Variants in C17orf99 observed in about 807,000 individuals in gnomAD.
The protein encoded by C17orf99 is protein IL-40.
C17orf99 carries 18 observed loss-of-function variants against 22.6 expected under a neutral mutation model. The ratio of observed to expected loss-of-function variants is 0.80; its 90% confidence interval spans 0.55 to 1.18. C17orf99 has a LOEUF of 1.18. Among genes scored for constraint, C17orf99 ranks in the 50% most tolerant of loss-of-function variants. The pLI, the probability that C17orf99 is intolerant of heterozygous loss-of-function variation, is 0.00. For missense variants in C17orf99, 328 were observed against 342.7 expected, an observed-to-expected ratio of 0.96 and a Z score of 0.34; for synonymous variants, 147 against 136.6, an observed-to-expected ratio of 1.08 and a Z score of -0.53.
At chr17:78,159,266 G>C (rs2075553519) in intron 2 of C17orf99, 1 of 152,332 alleles carries the variant, frequency 6.6e-6, no homozygotes, top group African/African-American at 2.4e-5. Flanking sequence ...GAACCCAGGA[G>C]GTGGAGGTTG....
chr17:78,161,022 C>G lies in C17orf99; in HGVS notation c.138C>G (p.Leu46=), dbSNP rs773346375. ...TTTTCCCCAAAGGCCGCTGGGTGCT[C>G]ATAACCTGCTGTGCACCCCAGCCAC... The part of the protein sequence containing the change: ...LEVFPKGRWV[L]ITCCAPQPPP... Residue 46 remains leucine, a synonymous_variant, in exon 3 of 5, where the codon CTC becomes CTG. Coordinates refer to ENST00000340363, the MANE Select transcript of C17orf99 (RefSeq NM_001163075.2). 6.4e-7 allele frequency: 1 copy of G among 1,551,480 alleles called. No individual in the cohort carries two copies. Among genetic ancestry groups the G allele is most frequent in the African/African-American group, 1.4e-5 (1 of 73,036 alleles).
At chr17:78,157,341 G>A (rs1316738845) in intron 2 of C17orf99, 17 of 744,450 alleles carry the variant, frequency 2.3e-5, no homozygotes, top group South Asian at 3.1e-5. Flanking sequence ...CGGCGGCGGC[G>A]GCGGCGGTGG....
At chr17:78,165,818 T>C (rs1298725181) in intron 4 of C17orf99, 71 bp from the exon 5 acceptor site, 3 of 1,278,888 alleles carry the variant, frequency 2.3e-6, no homozygotes, top group South Asian at 6.0e-5. Flanking sequence ...AAACGAACAC[T>C]CTCAGACGCC....
chr17:78,164,914 AAC>A (rs1768109896), intron 4 of C17orf99: 2 of 1,163,706 alleles, frequency 1.7e-6, no homozygotes, highest in African/African-American at 3.2e-5. Flanking sequence ...GGTGCCCTGT[AAC>A]ACAGTCTGCT....
chr17:78,157,331 C>T (rs1460932498), intron 2 of C17orf99: 9 of 506,338 alleles, frequency 1.8e-5, no homozygotes, highest in Admixed American at 6.8e-5. Context: ...TGTTCAGCAG[C>T]GGCGGCGGCG....
Position 78,161,097 on chromosome 17 carries a change from C to T in C17orf99, c.213C>T (p.Ala71=). 6.4e-7 allele frequency: 1 copy of T among 1,551,734 alleles called. No individual in the cohort carries two copies. The highest frequency in any genetic ancestry group is 2.4e-5 in the East Asian group (1 of 40,922). Residue 71 remains alanine, a synonymous_variant, in exon 3 of 5, where the codon GCC becomes GCT. Transcript: ENST00000340363. ...SLCGTKNIKV[A]KKVVKTHEPA... ...GTGGAACCAAGAACATCAAGGTGGC[C>T]AAGAAGGTGGTGAAGACCCACGAGC...
chr17:78,146,880 T>TCTCTTACA lies in C17orf99; in HGVS notation c.39_40insCTCTTACA (p.Ala14LeufsTer37). On this transcript the variant is annotated frameshift_variant and splice_region_variant, in exon 2 of 5. Transcript: ENST00000340363. LOFTEE classifies it high-confidence loss of function. The surrounding 1 kb of genome is among the most constrained non-coding windows in gnomAD (Gnocchi z 5.2). ...TTATCGCCCTTACCTCTCTTACAGC[T>TCTCTTACA]GCCAGCAGCTTCTCCAAGGCACGGG... 6.4e-7 allele frequency: 1 copy of TCTCTTACA among 1,551,348 alleles called. No homozygotes were observed. Among genetic ancestry groups the TCTCTTACA allele is most frequent in the East Asian group, 2.4e-5 (1 of 40,914 alleles).
At chr17:78,149,331 C>CA (rs35155993) in intron 2 of C17orf99, among the ~76,000 whole-genome samples, 841 of 41,014 alleles carry the variant, frequency 0.021, 99 homozygotes, top group African/African-American at 0.031. Context: ...GACTCTGCCT[C>CA]AAAAAAAAAA....
At chr17:78,162,410 C>T (rs1460433621) in intron 3 of C17orf99, among the ~76,000 whole-genome samples, 1 of 151,918 alleles carries the variant, frequency 6.6e-6, no homozygotes, top group East Asian at 1.9e-4. Context: ...AGGTAACCTT[C>T]TTGGTGGGAG....
At chr17:78,154,357 T>G (rs942236116) in intron 2 of C17orf99, among the ~76,000 whole-genome samples, 1 of 151,730 alleles carries the variant, frequency 6.6e-6, no homozygotes, top group Non-Finnish European at 1.5e-5. Context: ...GAAACCAGTC[T>G]GGCCAACTTG....
intron 2 of C17orf99, among the ~76,000 whole-genome samples, chr17:78,148,409 G>A (rs909994092): frequency 6.6e-6 from 1 of 152,046 alleles, no homozygotes; most frequent in Non-Finnish European, 1.5e-5. Flanking sequence ...TGCACCTGTT[G>A]TCCCAGCTAC....
intron 2 of C17orf99, among the ~76,000 whole-genome samples, chr17:78,149,312 A>G (rs2075460133): frequency 7.3e-6 from 1 of 136,858 alleles, no homozygotes; most frequent in South Asian, 2.6e-4. Context: ...AGCCTGGGCA[A>G]CAGAGAGAGA....
intron 4 of C17orf99, chr17:78,164,702 G>A: frequency 7.3e-7 from 1 of 1,375,734 alleles, no homozygotes; most frequent in South Asian, 1.2e-5. Context: ...AGGGAGAGCT[G>A]CTGATGGCCT....
intron 2 of C17orf99, among the ~76,000 whole-genome samples, chr17:78,151,280 C>G (rs1344530398): frequency 6.6e-6 from 1 of 151,718 alleles, no homozygotes; most frequent in Non-Finnish European, 1.5e-5. Context: ...CAACAATCAG[C>G]CAGGTATGGT....
At chr17:78,148,777 C>T (rs1342108524) in intron 2 of C17orf99, among the ~76,000 whole-genome samples, 1 of 152,050 alleles carries the variant, frequency 6.6e-6, no homozygotes, top group African/African-American at 2.4e-5. Flanking sequence ...TGGGGTTGGC[C>T]GGGGAGGGCC....
chr17:78,159,362 G>A (rs1342903484), intron 2 of C17orf99, among the ~76,000 whole-genome samples: 1 of 152,004 alleles, frequency 6.6e-6, no homozygotes, highest in African/African-American at 2.4e-5. Flanking sequence ...AAGTGGGCCG[G>A]GCGCAGTGGC....
Position 78,161,023 on chromosome 17 carries a change from A to G in C17orf99, c.139A>G (p.Ile47Val). The change falls in exon 3 of 5, where the codon ATA becomes GTA. Residue 47 changes from isoleucine (I) to valine (V), a missense_variant. Physicochemically the swap from Ile to Val is conservative, Grantham distance 29. Coordinates refer to ENST00000340363, the MANE Select transcript of C17orf99 (RefSeq NM_001163075.2). ...TTTCCCCAAAGGCCGCTGGGTGCTC[A>G]TAACCTGCTGTGCACCCCAGCCACC... Reference protein sequence around the residue: ...EVFPKGRWVLITCCAPQPPPP... With the variant: ...EVFPKGRWVLVTCCAPQPPPP... 1 of 1,551,626 alleles carries G rather than the reference A, an allele frequency of 6.4e-7. No homozygotes were observed. The highest frequency in any genetic ancestry group is 8.7e-7 in the Non-Finnish European group (1 of 1,146,950).
At chr17:78,157,607 G>T in intron 2 of C17orf99, 1 of 520,390 alleles carries the variant, frequency 1.9e-6, no homozygotes. Flanking sequence ...AACCATCCTG[G>T]CTAAAATGGT....
At chr17:78,158,178 C>A in intron 2 of C17orf99, 2 of 735,234 alleles carry the variant, frequency 2.7e-6, no homozygotes, top group Non-Finnish European at 2.4e-6. Context: ...ACCGAGGAGG[C>A]AGCTGCTGCA....
Sources: allele counts gnomAD v4.1 joint callset (sites outside exome capture counted in the v4.1 genomes callset), GRCh38; gene constraint gnomAD v4.1.1; non-coding constraint Gnocchi (gnomAD v3.1); transcripts MANE v1.5; gene names NCBI Gene and HGNC (gene_info 2026-07-23, HGNC 2026-07-21).